FMN1: variants seen among roughly 807,000 people sequenced by gnomAD.
FMN1 encodes formin 1, also known as formin-1.
In FMN1, 110 loss-of-function variants were observed where a neutral mutation model predicts 132.4. The observed-to-expected ratio is 0.83, with a 90% CI of 0.71 to 0.97. The LOEUF (loss-of-function observed/expected upper bound fraction) is 0.97, where lower values mean the gene tolerates loss of function less well. Ranked by LOEUF, FMN1 falls within the 50% of genes least tolerant of loss-of-function variation. The pLI is 0.00. For synonymous variants in FMN1, 722 were observed against 651.7 expected (o/e 1.11, Z -1.64); for missense variants, 1,792 against 1,705.3 (o/e 1.05, Z -0.90).
chr15:33,191,975 T>A (rs1202479393), intron 2 of FMN1, among the ~76,000 whole-genome samples: 3 of 152,198 alleles, frequency 2.0e-5, no homozygotes, highest in Non-Finnish European at 4.4e-5. Context: ...CTAAAAATAA[T>A]AGCTACTCTT....
rs1192354939 is a variant in FMN1, at chr15:33,082,092, AATGTGTGTGTGTGT to A, written c.2043+6693_2043+6706del. On this transcript the variant is annotated intron_variant, in intron 5 of 20. Coordinates refer to ENST00000616417, the MANE Select transcript of FMN1 (RefSeq NM_001277313.2). ...CGCTTTGTCACCCAGGCTGGAAAACAATGTGTGTGTGTGTGTGTGTGTGTGTGTGTGTGTGTGTG... is the reference window on the plus strand; with the variant it reads ...CGCTTTGTCACCCAGGCTGGAAAACAGTGTGTGTGTGTGTGTGTGTGTGTG... Among the ~76,000 whole-genome samples, 236 of 87,982 alleles carry A rather than the reference AATGTGTGTGTGTGT, an allele frequency of 2.7e-3. 1 individual carries two copies. Among genetic ancestry groups the A allele is most frequent in the African/African-American group, 8.9e-3 (227 of 25,626 alleles). The allele number at this position is 87,982 out of a possible 152,430, so 57.7% of individuals were successfully genotyped here. A position where few individuals can be genotyped will look rare whatever the true frequency, so the allele number is the denominator to read the frequency against.
At chr15:33,181,158 A>G (rs1052087376) in intron 2 of FMN1, among the ~76,000 whole-genome samples, 19 of 152,214 alleles carry the variant, frequency 1.2e-4, no homozygotes, top group African/African-American at 4.3e-4. Context: ...CATCACAGCC[A>G]GTTTCCTTTT....
chr15:33,083,180 C>T (rs2038553331), intron 5 of FMN1, among the ~76,000 whole-genome samples: 1 of 152,148 alleles, frequency 6.6e-6, no homozygotes, highest in South Asian at 2.1e-4. Flanking sequence ...TTCTAAAACC[C>T]TCGTAACTTC....
In FMN1 at chr15:33,183,542, C is replaced by A. The variant is rs80000961; in HGVS notation, c.-196-3280G>T. Among the ~76,000 whole-genome samples the A allele has an allele frequency of 5.7e-3, 869 of 152,276 alleles. 12 individuals carry two copies. The highest frequency in any genetic ancestry group is 0.019 in the African/African-American group (778 of 41,550). On this transcript the variant is annotated intron_variant, in intron 2 of 20. Coordinates refer to ENST00000616417, the MANE Select transcript of FMN1 (RefSeq NM_001277313.2). ...AATCATGCCTAGCACCGAGTAGACA[C>A]TCAATAACATTTCAGTGAATTAGTA...
intron 17 of FMN1, chr15:32,811,023 C>G (rs1311126778): frequency 2.2e-6 from 1 of 456,522 alleles, no homozygotes; most frequent in South Asian, 1.5e-5. Flanking sequence ...TTTTCCATTT[C>G]TTAGAAAATC....
chr15:32,851,171 T>C (rs1326683878), intron 17 of FMN1, among the ~76,000 whole-genome samples: 3 of 152,192 alleles, frequency 2.0e-5, no homozygotes, highest in South Asian at 2.1e-4. Flanking sequence ...TCATGCAGAA[T>C]CATTCAGAAT....
At chr15:32,995,702 C>T (rs2033725349) in intron 7 of FMN1, among the ~76,000 whole-genome samples, 1 of 152,108 alleles carries the variant, frequency 6.6e-6, no homozygotes, top group Admixed American at 6.6e-5. Context: ...GTGTAAGAAG[C>T]CAAGTTATGT....
chr15:32,950,658 G>C (rs1567450903), intron 9 of FMN1, among the ~76,000 whole-genome samples: 1 of 152,120 alleles, frequency 6.6e-6, no homozygotes, highest in Non-Finnish European at 1.5e-5. Context: ...TGGACACACA[G>C]AGGAGAGCAA....
intron 7 of FMN1, 81 bp from the exon 8 acceptor site, chr15:32,969,558 C>G (rs1055765775): frequency 5.5e-6 from 8 of 1,446,366 alleles, no homozygotes; most frequent in Non-Finnish European, 7.5e-6. Context: ...ATAATACCAT[C>G]ATGGTGCCAC....
chr15:32,903,868 A>C (rs746400990), intron 12 of FMN1, among the ~76,000 whole-genome samples: 26 of 152,116 alleles, frequency 1.7e-4, no homozygotes, highest in Non-Finnish European at 2.8e-4. Context: ...AAAAGCTCTT[A>C]AAGAATCTTA....
At chr15:33,149,071 TACA>T (rs1964344016) in intron 4 of FMN1, among the ~76,000 whole-genome samples, 1 of 149,752 alleles carries the variant, frequency 6.7e-6, no homozygotes, top group Non-Finnish European at 1.5e-5. Context: ...ACATATTCAC[TACA>T]ACCAGAGAAA....
chr15:33,038,938 T>TC (rs2036303411), intron 6 of FMN1, among the ~76,000 whole-genome samples: 1 of 152,162 alleles, frequency 6.6e-6, no homozygotes, highest in Non-Finnish European at 1.5e-5. Flanking sequence ...TGTAGCACCC[T>TC]CCTATATACA....
chr15:33,088,993 G>A lies in FMN1; in HGVS notation c.1868-19C>T, dbSNP rs2038807664. On this transcript the variant is annotated intron_variant, in intron 4 of 20. Coordinates refer to ENST00000616417, the MANE Select transcript of FMN1 (RefSeq NM_001277313.2). ...GAGATACCTAAACAAACACAGAGAA[G>A]GCCATCAGTGACATGGCAGCCAAAT... The A allele has an allele frequency of 2.0e-6, 3 of 1,518,384 alleles. No homozygotes were observed. The highest frequency in any genetic ancestry group is 1.4e-5 in the African/African-American group (1 of 72,206). The allele number at this position is 1,518,384 out of a possible 1,614,324, so 94.1% of individuals were successfully genotyped here.
chr15:33,095,736 T>C (rs1432934615), intron 4 of FMN1, among the ~76,000 whole-genome samples: 1 of 152,106 alleles, frequency 6.6e-6, no homozygotes, highest in Non-Finnish European at 1.5e-5. Context: ...TACAAGTAAA[T>C]TTGAATAACA....
intron 20 of FMN1, among the ~76,000 whole-genome samples, 180 bp downstream of exon 20, chr15:32,776,654 TA>T (rs1341163217): frequency 1.3e-5 from 2 of 151,786 alleles, no homozygotes; most frequent in East Asian, 3.9e-4. Context: ...GAAAAACATA[TA>T]AAGCTATGTT....
At chr15:33,142,687 C>T (rs558845369) in intron 4 of FMN1, among the ~76,000 whole-genome samples, 9 of 152,166 alleles carry the variant, frequency 5.9e-5, no homozygotes, top group Non-Finnish European at 1.3e-4. Flanking sequence ...AATCACATGA[C>T]CTCAACTTAC....
chr15:33,047,257 A>G (rs532506792), intron 6 of FMN1, among the ~76,000 whole-genome samples: 6 of 152,220 alleles, frequency 3.9e-5, no homozygotes, highest in Admixed American at 3.9e-4. Flanking sequence ...AAGATTCTAG[A>G]TTTTATAAAA....
intron 14 of FMN1, 106 bp downstream of exon 14, chr15:32,899,873 G>A: frequency 9.2e-7 from 1 of 1,081,432 alleles, no homozygotes; most frequent in East Asian, 2.4e-5. Context: ...TGTTGTTAAG[G>A]GGAGGATAGA....
chr15:33,071,618 G>A (rs752081244), intron 5 of FMN1, among the ~76,000 whole-genome samples: 6 of 152,132 alleles, frequency 3.9e-5, no homozygotes, highest in Non-Finnish European at 8.8e-5. Context: ...GTAATAGCTA[G>A]ACCTGAAACA....
Sources: allele counts gnomAD v4.1 joint callset (sites outside exome capture counted in the v4.1 genomes callset), GRCh38; gene constraint gnomAD v4.1.1; transcripts MANE v1.5; gene names NCBI Gene and HGNC (gene_info 2026-07-23, HGNC 2026-07-21).